The following MACROD2 variants were observed in gnomAD, a reference collection of about 807,000 sequenced individuals.
MACROD2 encodes the protein mono-ADP ribosylhydrolase 2.
A neutral mutation model predicts 70.4 loss-of-function variants in MACROD2; 36 were observed. That is an observed-to-expected ratio of 0.51 (90% CI 0.39 to 0.68). The LOEUF is 0.68. Among genes scored for constraint, MACROD2 ranks in the 30% least tolerant of loss-of-function variants. MACROD2 has a pLI of 0.00. For missense variants in MACROD2, 496 were observed against 538.4 expected (o/e 0.92, Z 0.78); for synonymous variants, 172 against 178.8 (o/e 0.96, Z 0.30).
At chr20:14,179,554 A>G (rs1353453236) in intron 3 of MACROD2, among the ~76,000 whole-genome samples, 1 of 152,210 alleles carries the variant, frequency 6.6e-6, no homozygotes, top group African/African-American at 2.4e-5. Context: ...TTACTTAACA[A>G]ACAAATATTT....
At chr20:14,827,675 C>A (rs575600519) in intron 5 of MACROD2, among the ~76,000 whole-genome samples, 178 of 150,570 alleles carry the variant, frequency 1.2e-3, no homozygotes, top group African/African-American at 4.1e-3. Flanking sequence ...TTTTGTGTAC[C>A]CATATTCTCC....
chr20:14,346,983 A>G (rs1326758124), intron 3 of MACROD2, among the ~76,000 whole-genome samples: 1 of 152,226 alleles, frequency 6.6e-6, no homozygotes, highest in Non-Finnish European at 1.5e-5. Context: ...TGACATAGAT[A>G]TATAGGTTCT....
intron 3 of MACROD2, among the ~76,000 whole-genome samples, chr20:14,332,378 C>T (rs975070624): frequency 6.6e-6 from 1 of 152,082 alleles, no homozygotes; most frequent in Non-Finnish European, 1.5e-5. Flanking sequence ...TTGCGGCAAT[C>T]TACATGTTTA....
intron 5 of MACROD2, among the ~76,000 whole-genome samples, chr20:14,903,159 A>G (rs541372529): frequency 1.4e-5 from 2 of 148,014 alleles, no homozygotes; most frequent in East Asian, 2.0e-4. Context: ...CGCCTGCCTC[A>G]GCCTCCCGAG....
At position 14,874,828 on chromosome 20, in the gene MACROD2, C is replaced by G. The variant is rs376083437; in HGVS notation, c.418+189869C>G. On this transcript the variant is annotated intron_variant, in intron 5 of 17. Coordinates refer to ENST00000684519, the MANE Select transcript of MACROD2 (RefSeq NM_001351661.2). ...CAGATGATCCTCATGCCTCAGCCTT[C>G]TGAGTAGCTGGGATTACAGGTGTGC... Among the ~76,000 whole-genome samples the G allele has an allele frequency of 2.3e-4, 35 of 151,892 alleles. 1 individual carries two copies. In the East Asian group the frequency reaches 3.7e-3, roughly 16 times the overall value.
chr20:14,125,944 A>G (rs1410792411), intron 3 of MACROD2, among the ~76,000 whole-genome samples: 1 of 152,172 alleles, frequency 6.6e-6, no homozygotes, highest in Non-Finnish European at 1.5e-5. Context: ...AATATTCAAC[A>G]TCTTGTTTTG....
intron 5 of MACROD2, among the ~76,000 whole-genome samples, chr20:14,697,277 A>T (rs1014331451): frequency 6.6e-6 from 1 of 152,186 alleles, no homozygotes; most frequent in Non-Finnish European, 1.5e-5. Flanking sequence ...TCCTCCTAAT[A>T]ATACCTATTG....
chr20:15,859,431 G>A (rs1441443467), intron 8 of MACROD2, among the ~76,000 whole-genome samples: 1 of 152,174 alleles, frequency 6.6e-6, no homozygotes, highest in Non-Finnish European at 1.5e-5. Flanking sequence ...TGTAAGAAGA[G>A]CTGTGGGATG....
At chr20:14,977,369 T>C (rs940401593) in intron 5 of MACROD2, among the ~76,000 whole-genome samples, 2 of 151,142 alleles carry the variant, frequency 1.3e-5, no homozygotes, top group Non-Finnish European at 2.9e-5. Flanking sequence ...TGTTTTCTTC[T>C]GGCCTCTGAG....
At chr20:15,463,898 T>C (rs1234984676) in intron 7 of MACROD2, among the ~76,000 whole-genome samples, 1 of 152,246 alleles carries the variant, frequency 6.6e-6, no homozygotes, top group East Asian at 1.9e-4. Context: ...TCCTACAGCT[T>C]GAGGAAAACC....
intron 10 of MACROD2, among the ~76,000 whole-genome samples, chr20:15,918,702 A>G (rs2065356383): frequency 6.6e-6 from 1 of 152,214 alleles, no homozygotes. Flanking sequence ...GAAAGACCTG[A>G]AAACCTTTCT....
At chr20:15,359,106 A>G (rs2078322568) in intron 6 of MACROD2, among the ~76,000 whole-genome samples, 1 of 152,210 alleles carries the variant, frequency 6.6e-6, no homozygotes. Context: ...TTTCACTTAG[A>G]AAAACTATAC....
At chr20:16,002,042 T>A (rs6043666) in intron 15 of MACROD2, among the ~76,000 whole-genome samples, 1,055 of 86,102 alleles carry the variant, frequency 0.012, 13 homozygotes, top group African/African-American at 0.037. Context: ...ATAATGTGTC[T>A]TATATATATA....
Position 14,943,477 on chromosome 20 carries a change from T to TA in MACROD2, c.418+258520dup, listed in dbSNP as rs559906526. Among the ~76,000 whole-genome samples the TA allele has an allele frequency of 7.1e-3, 1,088 of 152,258 alleles. 13 individuals are homozygous for TA. The highest frequency in any genetic ancestry group is 0.024 in the African/African-American group (1,010 of 41,544). On this transcript the variant is annotated intron_variant, in intron 5 of 17. Transcript: ENST00000684519. ...ATGCTATTTTTACTTTAAAGTTTATTAAGTCTAATTAATTGTCTCATAATA... is the reference window on the plus strand; with the variant it reads ...ATGCTATTTTTACTTTAAAGTTTATTAAAGTCTAATTAATTGTCTCATAATA...
rs144566936 is a variant in MACROD2 at position 14,835,997 on chromosome 20, G to A, written c.418+151038G>A. Among the ~76,000 whole-genome samples, 561 of 152,024 alleles carry A rather than the reference G, an allele frequency of 3.7e-3. 2 individuals are homozygous for A. The highest frequency in any genetic ancestry group is 0.013 in the African/African-American group (538 of 41,502). On this transcript the variant is annotated intron_variant, in intron 5 of 17. Transcript: ENST00000684519. ...TGAAAGATTTTACCACGTCCTTTTT[G>A]ATTCCTATTTTTGCTAAACAGGTTT...
At chr20:14,923,543 T>C (rs2074189512) in intron 5 of MACROD2, among the ~76,000 whole-genome samples, 1 of 152,144 alleles carries the variant, frequency 6.6e-6, no homozygotes, top group Non-Finnish European at 1.5e-5. Context: ...GCCAAAATTT[T>C]CGGTGATCTC....
At chr20:14,361,780 A>G (rs972774774) in intron 3 of MACROD2, among the ~76,000 whole-genome samples, 3 of 152,196 alleles carry the variant, frequency 2.0e-5, no homozygotes, top group Non-Finnish European at 2.9e-5. Flanking sequence ...AAACAAGCCA[A>G]TAGCTGATGT....
chr20:15,923,248 G>A lies in MACROD2; in HGVS notation c.776-10028G>A, dbSNP rs376916432. On this transcript the variant is annotated intron_variant, in intron 10 of 17. Coordinates refer to ENST00000684519, the MANE Select transcript of MACROD2 (RefSeq NM_001351661.2). ...TTGACTTACAGTTTCACATGGCTGG[G>A]GAGGCCTCAGACTCATGGCGGGAAG... 6.2e-4 allele frequency among the ~76,000 whole-genome samples: 95 copies of A among 152,298 alleles called. 2 individuals carry two copies. In the South Asian group the frequency reaches 0.014, roughly 23 times the overall value.
chr20:15,988,199 G>A (rs927035744), intron 15 of MACROD2, among the ~76,000 whole-genome samples: 7 of 152,050 alleles, frequency 4.6e-5, no homozygotes, highest in Non-Finnish European at 1.0e-4. Flanking sequence ...TAAGCTTTTC[G>A]CTATTGCAAA....
Sources: allele counts gnomAD v4.1 joint callset (sites outside exome capture counted in the v4.1 genomes callset), GRCh38; gene constraint gnomAD v4.1.1; transcripts MANE v1.5; gene names NCBI Gene and HGNC (gene_info 2026-07-23, HGNC 2026-07-21).